Variants in KALRN observed in about 807,000 individuals in gnomAD.
KALRN encodes kalirin RhoGEF kinase, also known as kalirin.
In KALRN, 70 loss-of-function variants were observed where a neutral mutation model predicts 353.7. The observed-to-expected ratio is 0.20, with a 90% confidence interval of 0.16 to 0.24. The LOEUF is 0.24. Ranked by LOEUF, KALRN falls within the 10% of genes least tolerant of loss-of-function variation. The probability of loss-of-function intolerance (pLI) is 1.00; values close to 1 mark genes in which losing one functional copy is unlikely to be tolerated. For missense variants in KALRN, 2,791 were observed against 3,756.7 expected (o/e 0.74, Z 6.72); for synonymous variants, 1,391 against 1,434.8 (o/e 0.97, Z 0.69).
intron 33 of KALRN, among the ~76,000 whole-genome samples, chr3:124,557,785 A>T (rs1194038505): frequency 6.6e-6 from 1 of 152,178 alleles, no homozygotes; most frequent in African/African-American, 2.4e-5. Context: ...TCTTGGGCAC[A>T]GCTCCCCCTC....
At chr3:124,293,089 AAGG>A (rs1159261334) in intron 5 of KALRN, among the ~76,000 whole-genome samples, 1 of 152,216 alleles carries the variant, frequency 6.6e-6, no homozygotes. Flanking sequence ...GTTCACCCGC[AAGG>A]AGGTTGTTAG....
At chr3:124,302,625 A>G (rs976899906) in intron 6 of KALRN, among the ~76,000 whole-genome samples, 8 of 152,224 alleles carry the variant, frequency 5.3e-5, no homozygotes, top group African/African-American at 1.9e-4. Context: ...AGCAAAGGTG[A>G]CCATTACTGA....
chr3:124,284,924 C>T, intron 5 of KALRN, among the ~76,000 whole-genome samples: 1 of 152,190 alleles, frequency 6.6e-6, no homozygotes, highest in East Asian at 1.9e-4. Context: ...CTGCTGAGAT[C>T]TCACTGTTTG....
chr3:124,047,171 C>T (rs1433524397), intron 1 of KALRN, among the ~76,000 whole-genome samples: 2 of 151,974 alleles, frequency 1.3e-5, no homozygotes, highest in Non-Finnish European at 2.9e-5. Context: ...TTAGAAAGAT[C>T]CAAGTAGGAA....
intron 1 of KALRN, among the ~76,000 whole-genome samples, chr3:124,129,450 A>C (rs1369306904): frequency 6.6e-6 from 1 of 151,982 alleles, no homozygotes; most frequent in Non-Finnish European, 1.5e-5. Context: ...CACTTTACCC[A>C]CCCAACTAGA....
At position 124,710,933 on chromosome 3, in the gene KALRN, G is replaced by A. The variant is rs914128183; in HGVS notation, c.8076-2002G>A. 2.6e-5 allele frequency among the ~76,000 whole-genome samples: 4 copies of A among 152,120 alleles called. No homozygotes were observed. The East Asian group carries it at 5.8e-4, about 22-fold the overall frequency. On this transcript the variant is annotated intron_variant, in intron 57 of 59. Transcript: ENST00000682506. ...GTACCTTGAGATGGCCACTAAATTC[G>A]GGAGAGCTATCCTCAGCATTCAATT... is the stretch of plus-strand genomic sequence containing the variant.
chr3:124,582,459 A>G (rs1443382299), intron 34 of KALRN, among the ~76,000 whole-genome samples: 2 of 152,202 alleles, frequency 1.3e-5, no homozygotes, highest in Non-Finnish European at 2.9e-5. Context: ...CAGTAGCAGA[A>G]CTAGAGGGTA....
intron 1 of KALRN, among the ~76,000 whole-genome samples, chr3:124,185,650 A>G (rs955874850): frequency 6.6e-6 from 1 of 152,142 alleles, no homozygotes; most frequent in Admixed American, 6.5e-5. Context: ...TCAGAGTCTC[A>G]CCATGAGATG....
At chr3:124,712,651 T>A (rs1255254088) in intron 57 of KALRN, among the ~76,000 whole-genome samples, 2 of 108,398 alleles carry the variant, frequency 1.8e-5, no homozygotes. Context: ...CAAGACCCTG[T>A]CTCAGAAAAA....
chr3:124,335,250 A>C (rs2081019259), intron 9 of KALRN, among the ~76,000 whole-genome samples: 1 of 152,126 alleles, frequency 6.6e-6, no homozygotes, highest in African/African-American at 2.4e-5. Context: ...GGAGTACAGG[A>C]AACTTCAGAG....
intron 34 of KALRN, among the ~76,000 whole-genome samples, chr3:124,594,102 C>T (rs190186503): frequency 6.6e-6 from 1 of 152,346 alleles, no homozygotes; most frequent in Non-Finnish European, 1.5e-5. Context: ...CAACCACTAC[C>T]TAATCACTTA....
chr3:124,333,436 G>A (rs1433539961), intron 8 of KALRN, among the ~76,000 whole-genome samples: 1 of 152,172 alleles, frequency 6.6e-6, no homozygotes, highest in Non-Finnish European at 1.5e-5. Context: ...TGAGGACCCA[G>A]GAGGTTAAAT....
At chr3:124,584,166 C>A (rs1176566302) in intron 34 of KALRN, among the ~76,000 whole-genome samples, 1 of 152,084 alleles carries the variant, frequency 6.6e-6, no homozygotes, top group East Asian at 1.9e-4. Context: ...TTGTATGATT[C>A]CAAACCCAGA....
intron 57 of KALRN, among the ~76,000 whole-genome samples, chr3:124,705,912 T>G (rs918314610): frequency 2.6e-5 from 4 of 151,476 alleles, no homozygotes; most frequent in Non-Finnish European, 4.4e-5. Flanking sequence ...TTGTTTCTTT[T>G]GTTGTCGTTG....
intron 10 of KALRN, among the ~76,000 whole-genome samples, chr3:124,356,251 T>G (rs2589550): frequency 1.3e-5 from 2 of 152,102 alleles, no homozygotes; most frequent in Non-Finnish European, 2.9e-5. Context: ...GAGTCTCTGG[T>G]TTTTATTTGC....
intron 33 of KALRN, among the ~76,000 whole-genome samples, chr3:124,514,277 C>T (rs1053723136): frequency 2.6e-5 from 4 of 152,082 alleles, no homozygotes; most frequent in African/African-American, 7.2e-5. Flanking sequence ...ACATAAAGTC[C>T]CTGCCAAGGA....
chr3:124,449,389 C>T (rs2058554881), intron 21 of KALRN, among the ~76,000 whole-genome samples: 1 of 152,084 alleles, frequency 6.6e-6, no homozygotes, highest in African/African-American at 2.4e-5. Context: ...AGGAAAACAT[C>T]ATTTTCATGT....
intron 10 of KALRN, among the ~76,000 whole-genome samples, chr3:124,355,630 T>C (rs1468099016): frequency 1.3e-5 from 2 of 151,992 alleles, no homozygotes; most frequent in East Asian, 1.9e-4. Context: ...TGTGATGTAG[T>C]GTGCTTCGTC....
chr3:124,630,678 G>A (rs1168633273), intron 34 of KALRN, among the ~76,000 whole-genome samples: 1 of 152,116 alleles, frequency 6.6e-6, no homozygotes, highest in Non-Finnish European at 1.5e-5. Context: ...TTCTTCTTCT[G>A]TAAAATGAGG....
Sources: allele counts gnomAD v4.1 joint callset (sites outside exome capture counted in the v4.1 genomes callset), GRCh38; gene constraint gnomAD v4.1.1; transcripts MANE v1.5; gene names NCBI Gene and HGNC (gene_info 2026-07-23, HGNC 2026-07-21).